The following IMMP1L variants were observed in gnomAD, a reference collection of about 807,000 sequenced individuals.
IMMP1L encodes mitochondrial inner membrane protease subunit 1.
A neutral mutation model predicts 21.8 loss-of-function variants in IMMP1L; 24 were observed. The ratio of observed to expected loss-of-function variants is 1.10; its 90% confidence interval spans 0.80 to 1.55. The LOEUF is 1.55. IMMP1L is among the 40% of genes most tolerant of loss of function. IMMP1L has a pLI of 0.00. For synonymous variants in IMMP1L, 46 were observed against 62.8 expected, an observed-to-expected ratio of 0.73 and a Z score of 1.26; for missense variants, 195 against 200.7, an observed-to-expected ratio of 0.97 and a Z score of 0.17.
intron 1 of IMMP1L, among the ~76,000 whole-genome samples, chr11:31,501,238 C>G (rs1375199975): frequency 6.6e-6 from 1 of 152,162 alleles, no homozygotes; most frequent in Non-Finnish European, 1.5e-5. Context: ...ACTGAAAAAA[C>G]ATACCTAAGT....
chr11:31,476,878 T>A (rs889749297), intron 1 of IMMP1L, among the ~76,000 whole-genome samples: 1 of 152,088 alleles, frequency 6.6e-6, no homozygotes, highest in Admixed American at 6.6e-5. Flanking sequence ...AAGTTTTTAG[T>A]TGAAATAAAA....
rs112431181 is a variant in IMMP1L at position 31,473,733 on chromosome 11, A to G, written c.-29-10428T>C. 1.1e-4 allele frequency: 107 copies of G among 984,618 alleles called. No homozygotes were observed. In the African/African-American group the frequency reaches 1.7e-3, roughly 16 times the overall value. The allele number at this position is 984,618 out of a possible 1,614,324, so 61.0% of individuals were successfully genotyped here. A position where few individuals can be genotyped will look rare whatever the true frequency, so the allele number is the denominator to read the frequency against. On this transcript the variant is annotated intron_variant, in intron 1 of 5. Coordinates refer to ENST00000532287, the MANE Select transcript of IMMP1L (RefSeq NM_001304274.2). ...ACTGAAGTAGACTTACAGTAATTTC[A>G]GAATACCCAAAGTCACAAGAAGTTG... is the stretch of plus-strand genomic sequence containing the variant.
intron 4 of IMMP1L, chr11:31,452,521 A>AT (rs1351932510): frequency 2.0e-6 from 2 of 985,152 alleles, no homozygotes; most frequent in African/African-American, 1.7e-5. Flanking sequence ...CAACTAAATT[A>AT]TTTTTTCTGA....
intron 4 of IMMP1L, among the ~76,000 whole-genome samples, chr11:31,455,824 CCTTCTTGGTG>C (rs1284122659): frequency 6.6e-6 from 1 of 151,966 alleles, no homozygotes; most frequent in Non-Finnish European, 1.5e-5. Flanking sequence ...CTGCAAGTGC[CCTTCTTGGTG>C]CTTCAATCCA....
rs1044804646 is a variant in IMMP1L, at chr11:31,448,960, A to C, written c.321+7300T>G. On this transcript the variant is annotated intron_variant, in intron 4 of 5. Transcript: ENST00000532287. ...TCACGTCACCTCCGCAGTGAACTTC[A>C]CTTTAGCAAAAGAGTAAACATATTT... 6.3e-5 allele frequency: 62 copies of C among 985,434 alleles called. No individual in the cohort carries two copies. In the African/African-American group the frequency reaches 1.0e-3, roughly 16 times the overall value. 61.0% of individuals were successfully genotyped at this position (985,434 alleles called of 1,614,324 possible).
intron 1 of IMMP1L, among the ~76,000 whole-genome samples, chr11:31,476,735 G>A (rs1018752488): frequency 2.0e-5 from 3 of 151,946 alleles, no homozygotes; most frequent in Non-Finnish European, 4.4e-5. Context: ...ATCTTTTCTA[G>A]TCTTGGCAGT....
At chr11:31,508,120 A>G (rs1955842370) in intron 1 of IMMP1L, among the ~76,000 whole-genome samples, 2 of 152,292 alleles carry the variant, frequency 1.3e-5, no homozygotes, top group South Asian at 4.1e-4. Context: ...ACGTTTACCT[A>G]TGTAACAAAC....
intron 4 of IMMP1L, 109 bp downstream of exon 4, chr11:31,456,151 C>A (rs748371806): frequency 5.5e-5 from 40 of 723,810 alleles, no homozygotes; most frequent in Middle Eastern, 4.3e-4. Flanking sequence ...ACTGGATGCC[C>A]TTTTTTCTTA....
intron 4 of IMMP1L, among the ~76,000 whole-genome samples, chr11:31,447,497 A>T (rs780254232): frequency 7.2e-5 from 11 of 152,232 alleles, no homozygotes; most frequent in Non-Finnish European, 1.2e-4. Flanking sequence ...TAATGTACAC[A>T]AAGTAGATGA....
intron 3 of IMMP1L, among the ~76,000 whole-genome samples, chr11:31,459,733 A>T (rs988612040): frequency 3.3e-5 from 5 of 152,138 alleles, no homozygotes; most frequent in Admixed American, 3.3e-4. Flanking sequence ...CCTGCTGTGA[A>T]ATAGGACTTT....
Position 31,463,283 on chromosome 11 carries a change from A to G in IMMP1L, c.-7T>C. ...CCAGAACACCACGAAGCATAGTTCT[A>G]TGTAGACTCTGCCACCATTGGCCTG... On this transcript the variant is annotated 5_prime_UTR_variant, in exon 2 of 6. It removes the in-frame stop codon of an upstream open reading frame in the 5' UTR. Coordinates refer to ENST00000532287, the MANE Select transcript of IMMP1L (RefSeq NM_001304274.2). 1 of 1,601,372 alleles carries G rather than the reference A, an allele frequency of 6.2e-7. No homozygotes were observed. The highest frequency in any genetic ancestry group is 8.5e-7 in the Non-Finnish European group (1 of 1,175,840).
At chr11:31,436,735 G>A (rs777338372) in intron 4 of IMMP1L, among the ~76,000 whole-genome samples, 2 of 151,926 alleles carry the variant, frequency 1.3e-5, no homozygotes, top group African/African-American at 2.4e-5. Flanking sequence ...CCCAACCATC[G>A]CTGGAGTAAT....
chr11:31,471,812 C>T (rs936475948), intron 1 of IMMP1L, among the ~76,000 whole-genome samples: 1 of 152,180 alleles, frequency 6.6e-6, no homozygotes, highest in Non-Finnish European at 1.5e-5. Context: ...TTACCATAAA[C>T]TTAGTTGCTT....
In IMMP1L at chr11:31,433,777, TATC is replaced by T. The variant is rs143220698; in HGVS notation, c.322-210_322-208del. On this transcript the variant is annotated intron_variant, in intron 4 of 5. Transcript: ENST00000532287. ...AAAGGTTTCAACTTTTTTAAAAACC[TATC>T]ATCTTTTTTTGTCATATGGTTCCCA... The T allele has an allele frequency of 2.9e-3, 1,183 of 404,824 alleles. 15 individuals carry two copies. The highest frequency in any genetic ancestry group is 0.022 in the African/African-American group (1,041 of 48,344). The allele number at this position is 404,824 out of a possible 1,614,324, so 25.1% of individuals were successfully genotyped here.
At chr11:31,473,668 CA>C in intron 1 of IMMP1L, 1 of 697,046 alleles carries the variant, frequency 1.4e-6, no homozygotes, top group Non-Finnish European at 1.8e-6. Flanking sequence ...AATTTCTGGG[CA>C]TAGGCATCCA....
intron 4 of IMMP1L, among the ~76,000 whole-genome samples, chr11:31,439,090 G>T (rs753177487): frequency 5.9e-5 from 9 of 151,992 alleles, no homozygotes; most frequent in Non-Finnish European, 1.0e-4. Flanking sequence ...GATTTTCTCT[G>T]TCTTCCCTGG....
chr11:31,440,358 C>A (rs887104740), intron 4 of IMMP1L, among the ~76,000 whole-genome samples: 1 of 152,104 alleles, frequency 6.6e-6, no homozygotes, highest in Non-Finnish European at 1.5e-5. Context: ...TCCATCACTG[C>A]CAGAAGCAGA....
intron 4 of IMMP1L, among the ~76,000 whole-genome samples, chr11:31,440,063 T>C (rs937867284): frequency 1.3e-5 from 2 of 152,198 alleles, no homozygotes; most frequent in Non-Finnish European, 2.9e-5. Context: ...TGCTCCATGG[T>C]AGTCGGATTT....
intron 1 of IMMP1L, among the ~76,000 whole-genome samples, chr11:31,499,387 A>G (rs1426288873): frequency 1.3e-5 from 2 of 151,978 alleles, no homozygotes; most frequent in East Asian, 3.9e-4. Flanking sequence ...AAAACAAAAC[A>G]AAACAAAAAA....
Sources: gnomAD v4.1 joint callset for allele counts (sites outside exome capture counted in the v4.1 genomes callset) on GRCh38, gnomAD v4.1.1 for gene constraint, MANE v1.5 for transcripts, NCBI Gene and HGNC (gene_info 2026-07-23, HGNC 2026-07-21) for gene names.